Variants in STARD13 observed in about 807,000 individuals in gnomAD.
STARD13 encodes StAR related lipid transfer domain containing 13, also known as stAR-related lipid transfer protein 13.
Under a neutral mutation model 106.4 loss-of-function variants are expected in STARD13, and 62 were observed. The observed-to-expected ratio is 0.58, with a 90% CI of 0.48 to 0.72. The LOEUF (loss-of-function observed/expected upper bound fraction) is 0.72, where lower values mean the gene tolerates loss of function less well. Ranked by LOEUF, STARD13 falls within the 30% of genes least tolerant of loss-of-function variation. The pLI is 0.00. For synonymous variants in STARD13, 565 were observed against 553.0 expected, an observed-to-expected ratio of 1.02 and a Z score of -0.31; for missense variants, 1,387 against 1,424.0, an observed-to-expected ratio of 0.97 and a Z score of 0.42.
At chr13:33,631,232 T>C in the STARD13 span, among the ~76,000 whole-genome samples, 1 of 152,360 alleles carries the variant, frequency 6.6e-6, no homozygotes, top group Non-Finnish European at 1.5e-5. Context: ...ACATGTACTT[T>C]TAGTGATCTT....
At chr13:33,654,372 G>A in the STARD13 span, among the ~76,000 whole-genome samples, 67 of 152,136 alleles carry the variant, frequency 4.4e-4, no homozygotes, top group Middle Eastern at 6.8e-3. Flanking sequence ...AACACAAAAG[G>A]GTACATACTG....
At chr13:33,416,375 G>GT in the STARD13 span, among the ~76,000 whole-genome samples, 1 of 152,206 alleles carries the variant, frequency 6.6e-6, no homozygotes, top group Admixed American at 6.5e-5. Context: ...TTGAGTAGGA[G>GT]TTTGGCAGGC....
At chr13:33,229,459 AG>A (rs1420037021) in intron 1 of STARD13, among the ~76,000 whole-genome samples, 2 of 152,244 alleles carry the variant, frequency 1.3e-5, no homozygotes, top group African/African-American at 4.8e-5. Flanking sequence ...CAGAAGGACA[AG>A]ATGCCCTGTA....
At chr13:33,284,549 T>C (rs1047704272) in intron 1 of STARD13, among the ~76,000 whole-genome samples, 4 of 152,132 alleles carry the variant, frequency 2.6e-5, no homozygotes, top group African/African-American at 9.7e-5. Context: ...TAGGGGCTTC[T>C]TAGGAACGGC....
intron 1 of STARD13, chr13:33,188,193 G>T (rs140695897): frequency 6.6e-6 from 1 of 152,340 alleles, no homozygotes; most frequent in African/African-American, 2.4e-5. Context: ...TGACCTAGAA[G>T]CTTCATGTGG....
the STARD13 span, among the ~76,000 whole-genome samples, chr13:33,548,475 G>A: frequency 6.6e-6 from 1 of 152,166 alleles, no homozygotes; most frequent in Non-Finnish European, 1.5e-5. Flanking sequence ...GAGTGGACTC[G>A]TGGAAAATGT....
chr13:33,555,777 C>A, the STARD13 span, among the ~76,000 whole-genome samples: 2 of 152,250 alleles, frequency 1.3e-5, no homozygotes, highest in Admixed American at 6.5e-5. Context: ...ATAATAAGGT[C>A]TTAGTATCTA....
At chr13:33,596,188 A>T in the STARD13 span, among the ~76,000 whole-genome samples, 3 of 152,142 alleles carry the variant, frequency 2.0e-5, no homozygotes, top group Non-Finnish European at 2.9e-5. Context: ...GAAAAATTAT[A>T]TTTGTTTCAC....
At chr13:33,619,124 C>T in the STARD13 span, among the ~76,000 whole-genome samples, 2 of 149,252 alleles carry the variant, frequency 1.3e-5, no homozygotes, top group Non-Finnish European at 3.0e-5. Flanking sequence ...GTGGGCATTT[C>T]GTTCAGACCC....
intron 1 of STARD13, among the ~76,000 whole-genome samples, chr13:33,295,384 G>C (rs548663364): frequency 6.6e-6 from 1 of 152,170 alleles, no homozygotes; most frequent in Non-Finnish European, 1.5e-5. Context: ...GGGCAGCAAG[G>C]GGAGGCTCCT....
chr13:33,404,403 G>C, the STARD13 span, among the ~76,000 whole-genome samples: 1 of 152,204 alleles, frequency 6.6e-6, no homozygotes, highest in Non-Finnish European at 1.5e-5. Flanking sequence ...AAATGAGAGA[G>C]AGAGAGTCTG....
intron 1 of STARD13, among the ~76,000 whole-genome samples, chr13:33,178,399 C>A (rs543772930): frequency 6.6e-6 from 1 of 152,280 alleles, no homozygotes; most frequent in East Asian, 1.9e-4. Flanking sequence ...TAAAGAATTT[C>A]ACCAGAACGT....
chr13:33,655,891 G>A, the STARD13 span, among the ~76,000 whole-genome samples: 1 of 152,142 alleles, frequency 6.6e-6, no homozygotes, highest in Non-Finnish European at 1.5e-5. Context: ...TGACCCCAGA[G>A]AAACTTGCAA....
At chr13:33,645,279 G>T in the STARD13 span, among the ~76,000 whole-genome samples, 9 of 152,138 alleles carry the variant, frequency 5.9e-5, no homozygotes, top group Non-Finnish European at 1.3e-4. Context: ...CCTTCTTGAG[G>T]CCTGGAAACC....
At chr13:33,148,410 G>A (rs1224838164) in intron 3 of STARD13, among the ~76,000 whole-genome samples, 2 of 152,106 alleles carry the variant, frequency 1.3e-5, no homozygotes, top group Non-Finnish European at 2.9e-5. Context: ...GTTAAAAAGA[G>A]GGCAAAACAT....
At chr13:33,670,931 G>A in the STARD13 span, among the ~76,000 whole-genome samples, 230 of 152,228 alleles carry the variant, frequency 1.5e-3, no homozygotes, top group African/African-American at 4.5e-3. Context: ...ATTGTTTCCC[G>A]TTAATTTGCC....
At chr13:33,417,697 C>T in the STARD13 span, among the ~76,000 whole-genome samples, 2 of 152,032 alleles carry the variant, frequency 1.3e-5, no homozygotes, top group Non-Finnish European at 2.9e-5. Context: ...CCTGTTTATA[C>T]AAAATGTTCA....
chr13:33,352,041 C>A (rs2138628456), upstream of STARD13, among the ~76,000 whole-genome samples: 1 of 152,228 alleles, frequency 6.6e-6, no homozygotes, highest in Admixed American at 6.5e-5. Flanking sequence ...TGAAACATAC[C>A]TCAGAATGAG....
At position 33,293,640 on chromosome 13, in the gene STARD13, G is replaced by A. The variant is rs532199474; in HGVS notation, c.124+56650C>T. On this transcript the variant is annotated intron_variant, in intron 1 of 5. Transcript: ENST00000567873. ...AAGGATGTTGCCAAAGGAGATTAAC[G>A]TTTGATTTAGTGGGCTGGGAAGGCA... Among the ~76,000 whole-genome samples, 10 of 152,250 alleles carry A rather than the reference G, an allele frequency of 6.6e-5. No individual in the cohort carries two copies. The South Asian group carries it at 1.0e-3, about 16-fold the overall frequency.
Sources: allele counts gnomAD v4.1 joint callset (sites outside exome capture counted in the v4.1 genomes callset), GRCh38; gene constraint gnomAD v4.1.1; transcripts MANE v1.5; gene names NCBI Gene and HGNC (gene_info 2026-07-23, HGNC 2026-07-21).